The following TFR2 variants were observed in gnomAD, a reference collection of about 807,000 sequenced individuals.
TFR2 encodes the protein transferrin receptor protein 2.
TFR2 carries 64 observed loss-of-function variants against 91.9 expected under a neutral mutation model. The ratio of observed to expected loss-of-function variants is 0.70; its 90% CI spans 0.57 to 0.86. TFR2 has a LOEUF of 0.86. Among genes scored for constraint, TFR2 ranks in the 40% least tolerant of loss-of-function variants. The pLI, the probability that TFR2 is intolerant of heterozygous loss-of-function variation, is 0.00. For synonymous variants in TFR2, 454 were observed against 459.6 expected (o/e 0.99, Z 0.15); for missense variants, 950 against 1,080.5 (o/e 0.88, Z 1.69).
rs767243748 is a variant in TFR2, at chr7:100,620,887, C to T, written c.2376G>A (p.Gly792=). ...TLQGAANALS[G]DVWNIDNNF ...AGTTGTTATCAATGTTCCAGACATC[C>T]CCGCTAAGCGCATTGGCTGCCCCTT... The change falls in exon 18 of 18, where the codon GGG becomes GGA. Residue 792 remains glycine, a synonymous_variant. Coordinates refer to ENST00000223051, the MANE Select transcript of TFR2 (RefSeq NM_003227.4). The T allele has an allele frequency of 2.5e-6, 4 of 1,613,924 alleles. No homozygotes were observed. Among genetic ancestry groups the T allele is most frequent in the Admixed American group, 1.7e-5 (1 of 60,006 alleles).
Position 100,626,811 on chromosome 7 carries a change from C to T in TFR2, c.2088G>A (p.Glu696=), listed in dbSNP as rs766359389. 13 of 1,549,122 alleles carry T rather than the reference C, an allele frequency of 8.4e-6. No individual in the cohort carries two copies. The highest frequency in any genetic ancestry group is 4.1e-5 in the African/African-American group (3 of 73,046). The part of the protein sequence containing the change: ...EKLRQEIYSS[E]ERDERLTRMY... ...TGCGTGTCAGTCGCTCGTCTCTCTC[C>T]TCCGAGCTGTAGATCTCCTGCCGCA... Residue 696 remains glutamate (E), a synonymous_variant, in exon 17 of 18, where the codon GAG becomes GAA. Transcript: ENST00000223051.
At position 100,620,802 on chromosome 7, in the gene TFR2, C is replaced by T. The variant is rs986107376; in HGVS notation, c.*55G>A. 2.4e-5 allele frequency: 38 copies of T among 1,609,320 alleles called. No homozygotes were observed. Among genetic ancestry groups the T allele is most frequent in the South Asian group, 1.9e-4 (17 of 90,328 alleles). ...CCTCCCTGACCCTGAATCATTCAAG[C>T]GAGGAGCAGAGGAGCTCTTGACTGG... On this transcript the variant is annotated 3_prime_UTR_variant, in exon 18 of 18. Coordinates refer to ENST00000223051, the MANE Select transcript of TFR2 (RefSeq NM_003227.4).
chr7:100,626,424 T>C, intron 17 of TFR2: 1 of 1,158,672 alleles, frequency 8.6e-7, no homozygotes, highest in South Asian at 2.4e-5. Context: ...ATGCTTTTTC[T>C]TTCCAGAAGG....
chr7:100,641,354 G>GGC, intron 1 of TFR2, 123 bp downstream of exon 1: 1 of 570,578 alleles, frequency 1.8e-6, no homozygotes, highest in Non-Finnish European at 3.1e-6. Flanking sequence ...TGGGGGAGGG[G>GGC]CAGGGGTGGG....
intron 1 of TFR2, 114 bp from the exon 2 acceptor site, chr7:100,641,342 C>CTGGGGGGGGGGGGG (rs2131328161): frequency 5.1e-6 from 1 of 194,544 alleles, no homozygotes. Context: ...GTGGTGGGGG[C>CTGGGGGGGGGGGGG]GTGGGGGAGG....
At chr7:100,625,151 C>T (rs1167779831) in intron 17 of TFR2, among the ~76,000 whole-genome samples, 1 of 151,384 alleles carries the variant, frequency 6.6e-6, no homozygotes, top group Non-Finnish European at 1.5e-5. Context: ...CCTCCATCTC[C>T]CAGGCTCAAG....
intron 9 of TFR2, among the ~76,000 whole-genome samples, chr7:100,630,045 A>G (rs2131315847): frequency 6.6e-6 from 1 of 152,124 alleles, no homozygotes; most frequent in East Asian, 1.9e-4. Context: ...CACCCAGCCA[A>G]TTTCTCTTAT....
In TFR2 at chr7:100,629,332, G is replaced by A; in HGVS notation, c.1311C>T (p.Gly437=). The A allele has an allele frequency of 6.2e-7, 1 of 1,614,096 alleles. No individual in the cohort carries two copies. The highest frequency in any genetic ancestry group is 8.5e-7 in the Non-Finnish European group (1 of 1,179,954). ...CCACAGCGGATTTAGCTGCTCCTGG[G>A]CCCCATGCATCCCTCTGGGCCCCGA... ...VVIGAQRDAW[G]PGAAKSAVGT... Residue 437 remains glycine (G), a synonymous_variant, in exon 10 of 18, where the codon GGC becomes GGT. Coordinates refer to ENST00000223051, the MANE Select transcript of TFR2 (RefSeq NM_003227.4).
In TFR2 at chr7:100,626,865, C is replaced by T; in HGVS notation, c.2034G>A (p.Arg678=). The change falls in exon 17 of 18, where the codon CGG becomes CGA. Residue 678 remains arginine (R), a synonymous_variant. Coordinates refer to ENST00000223051, the MANE Select transcript of TFR2 (RefSeq NM_003227.4). The part of the protein sequence containing the change: ...GLTLQWVYSA[R]GDYIRAAEKL... ...TTTCCGCCGCCCGGATGTAGTCCCC[C>T]CGCGCCGAGTACACCCACTGCAGGG... The T allele has an allele frequency of 6.5e-7, 1 of 1,547,882 alleles. No homozygotes were observed. Among genetic ancestry groups the T allele is most frequent in the Non-Finnish European group, 8.7e-7 (1 of 1,147,128 alleles).
chr7:100,633,682 G>A (rs1440323755), intron 3 of TFR2, 126 bp from the exon 4 acceptor site: 3 of 885,320 alleles, frequency 3.4e-6, no homozygotes, highest in Non-Finnish European at 4.6e-6. Flanking sequence ...TAGGAAAAGA[G>A]CGCTCCCCGC....
At chr7:100,635,982 C>T (rs1803565282) in intron 3 of TFR2, among the ~76,000 whole-genome samples, 1 of 152,090 alleles carries the variant, frequency 6.6e-6, no homozygotes, top group South Asian at 2.1e-4. Flanking sequence ...TATTGGTTTT[C>T]TCCAGTGGAT....
At chr7:100,633,168 T>C (rs1416308863) in intron 5 of TFR2, 45 bp from the exon 6 acceptor site, 3 of 1,612,984 alleles carry the variant, frequency 1.9e-6, no homozygotes, top group Non-Finnish European at 2.5e-6. Flanking sequence ...CGTCCCTCCT[T>C]CGAGACCCAG....
chr7:100,640,487 C>G (rs1584464288), intron 3 of TFR2, 199 bp downstream of exon 3: 1 of 631,154 alleles, frequency 1.6e-6, no homozygotes, highest in Non-Finnish European at 2.7e-6. Context: ...ACCCTCAGAG[C>G]CTCAGTCCCC....
chr7:100,630,622 C>T (rs1302515427), intron 9 of TFR2, among the ~76,000 whole-genome samples: 1 of 152,216 alleles, frequency 6.6e-6, no homozygotes, highest in Non-Finnish European at 1.5e-5. Context: ...CATCATCCAA[C>T]TTAGGCTTAC....
intron 6 of TFR2, 72 bp downstream of exon 6, chr7:100,632,929 G>C: frequency 1.9e-6 from 3 of 1,612,214 alleles, no homozygotes; most frequent in Admixed American, 3.3e-5. Context: ...ACAGCACCCT[G>C]AACGATTCTC....
Position 100,620,986 on chromosome 7 carries a change from G to A in TFR2, c.2277C>T (p.Pro759=), listed in dbSNP as rs748376968. The change falls in exon 18 of 18, where the codon CCC becomes CCT. Residue 759 remains proline (P), a synonymous_variant. Transcript: ENST00000223051. ...GGAAGCCAGTGGAGGAGGTGGCCCC[G>A]GGGGTCCCGGAGCTGTTGGAGCGCA... ...RLLRSNSSGT[P]GATSSTGFQE... 3.0e-5 allele frequency: 49 copies of A among 1,610,508 alleles called. No homozygotes were observed. Among genetic ancestry groups the A allele is most frequent in the Non-Finnish European group, 4.1e-5 (48 of 1,178,660 alleles).
At position 100,629,379 on chromosome 7, in the gene TFR2, AG is replaced by A. The variant is rs35416331; in HGVS notation, c.1271-8del. On this transcript the variant is annotated splice_polypyrimidine_tract_variant and splice_region_variant and intron_variant, in intron 9 of 17. Coordinates refer to ENST00000223051, the MANE Select transcript of TFR2 (RefSeq NM_003227.4). The stretch of plus-strand genomic sequence containing the variant: ...CCGATGACAACGTAGTGATCTGGGG[AG>A]GGGATGTTTGGGACCCACTTCTGAC... The A allele has an allele frequency of 6.2e-7, 1 of 1,613,606 alleles. No homozygotes were observed. The highest frequency in any genetic ancestry group is 1.7e-5 in the Admixed American group (1 of 59,982).
In TFR2 at chr7:100,627,380, C is replaced by T. The variant is rs1287359793; in HGVS notation, c.1879G>A (p.Gly627Arg). The T allele has an allele frequency of 6.4e-7, 1 of 1,556,962 alleles. No individual in the cohort carries two copies. The highest frequency in any genetic ancestry group is 8.7e-7 in the Non-Finnish European group (1 of 1,150,192). Residue 627 changes from glycine (G) to arginine (R), a missense_variant, in exon 16 of 18, where the codon GGG becomes AGG. Transcript: ENST00000223051. ...TGGCTGAGCCGGATGAGGAGCTGCC[C>T]TGCGAGCTGGGCCACGGCCTGGGCC... is the stretch of plus-strand genomic sequence containing the variant. ...AVAQAVAQLAGQLLIRLSHDR... is the reference protein window; with the variant it reads ...AVAQAVAQLARQLLIRLSHDR...
At chr7:100,630,846 C>CA (rs764276305) in intron 9 of TFR2, 43 bp downstream of exon 9, 1 of 1,611,274 alleles carries the variant, frequency 6.2e-7, no homozygotes, top group East Asian at 2.2e-5. Context: ...GAAATTCCCC[C>CA]AGCCCACCAC....
Sources: allele counts gnomAD v4.1 joint callset (sites outside exome capture counted in the v4.1 genomes callset), GRCh38; gene constraint gnomAD v4.1.1; transcripts MANE v1.5; gene names NCBI Gene and HGNC (gene_info 2026-07-23, HGNC 2026-07-21).